The following RORA variants were observed in gnomAD, a reference collection of about 807,000 sequenced individuals.
RORA encodes RAR related orphan receptor A.
In RORA, 7 loss-of-function variants were observed where a neutral mutation model predicts 69.5. The ratio of observed to expected loss-of-function variants is 0.10; its 90% confidence interval spans 0.06 to 0.19. RORA has a LOEUF of 0.19. RORA is among the 10% of genes least tolerant of loss of function. The pLI is 1.00. For missense variants in RORA, 457 were observed against 663.0 expected, an observed-to-expected ratio of 0.69 and a Z score of 3.41; for synonymous variants, 261 against 240.8, an observed-to-expected ratio of 1.08 and a Z score of -0.78.
intron 1 of RORA, among the ~76,000 whole-genome samples, chr15:60,869,299 C>T (rs552028157): frequency 9.2e-5 from 14 of 152,154 alleles, no homozygotes; most frequent in African/African-American, 2.9e-4. Flanking sequence ...GCTGATTTCG[C>T]GATTTTATAA....
intron 5 of RORA, among the ~76,000 whole-genome samples, chr15:60,507,923 A>G (rs564353086): frequency 1.3e-5 from 2 of 152,220 alleles, no homozygotes; most frequent in South Asian, 4.2e-4. Context: ...ACTTATCCCT[A>G]CCTATTTAAA....
rs374620472 is a variant in RORA at position 60,811,935 on chromosome 15, T to G, written c.167-133249A>C. Among the ~76,000 whole-genome samples the G allele has an allele frequency of 1.8e-4, 27 of 152,348 alleles. No individual in the cohort carries two copies. The East Asian group carries it at 4.6e-3, about 26-fold the overall frequency. On this transcript the variant is annotated intron_variant, in intron 1 of 10. Transcript: ENST00000335670. ...TTATGCAAGTTGAATCATTTTCATATTCATTATTTTAACGGTGAAATGGCA... is the reference window on the plus strand; with the variant it reads ...TTATGCAAGTTGAATCATTTTCATAGTCATTATTTTAACGGTGAAATGGCA...
chr15:61,154,545 A>G (rs2079426028), intron 1 of RORA, among the ~76,000 whole-genome samples: 1 of 152,226 alleles, frequency 6.6e-6, no homozygotes, highest in South Asian at 2.1e-4. Flanking sequence ...TCACAGATCT[A>G]CGTGACCTGT....
intron 1 of RORA, among the ~76,000 whole-genome samples, chr15:60,884,832 C>A (rs905118317): frequency 6.6e-6 from 1 of 152,168 alleles, no homozygotes; most frequent in African/African-American, 2.4e-5. Flanking sequence ...AAACAGCCCC[C>A]AAAAGAGCAC....
At chr15:60,984,479 A>G (rs1349261126) in intron 1 of RORA, among the ~76,000 whole-genome samples, 1 of 151,682 alleles carries the variant, frequency 6.6e-6, no homozygotes, top group Non-Finnish European at 1.5e-5. Flanking sequence ...TTACCTACTT[A>G]CAAGTCTTAT....
intron 2 of RORA, among the ~76,000 whole-genome samples, chr15:60,675,726 G>A (rs1351570915): frequency 6.6e-6 from 1 of 152,114 alleles, no homozygotes; most frequent in African/African-American, 2.4e-5. Context: ...AACAATACCT[G>A]TGCTTTCCAG....
At chr15:60,735,388 A>C (rs2140842085) in intron 1 of RORA, among the ~76,000 whole-genome samples, 1 of 152,320 alleles carries the variant, frequency 6.6e-6, no homozygotes, top group East Asian at 1.9e-4. Context: ...GGAGAACAGC[A>C]AGTGTTATTA....
intron 1 of RORA, among the ~76,000 whole-genome samples, chr15:60,785,405 A>G (rs780504795): frequency 1.3e-5 from 2 of 152,236 alleles, no homozygotes; most frequent in Non-Finnish European, 2.9e-5. Context: ...TGAATAGGTA[A>G]ACAGAGAAGG....
At chr15:61,168,097 TTGTAA>T (rs1380577315) in intron 1 of RORA, among the ~76,000 whole-genome samples, 2 of 151,206 alleles carry the variant, frequency 1.3e-5, no homozygotes, top group African/African-American at 4.9e-5. Flanking sequence ...TGTAGAAAAC[TTGTAA>T]TGTATATATA....
At chr15:60,826,791 T>C (rs942138819) in intron 1 of RORA, among the ~76,000 whole-genome samples, 29 of 111,766 alleles carry the variant, frequency 2.6e-4, no homozygotes, top group African/African-American at 8.7e-4. Context: ...CTCTCTCTCT[T>C]TTTTTTTTAA....
intron 2 of RORA, among the ~76,000 whole-genome samples, chr15:60,647,466 C>T (rs1301885116): frequency 6.6e-6 from 1 of 152,200 alleles, no homozygotes; most frequent in Non-Finnish European, 1.5e-5. Context: ...TTGATCACTG[C>T]CAGAGCCTGC....
At chr15:60,698,132 T>C (rs897258234) in intron 1 of RORA, among the ~76,000 whole-genome samples, 1 of 152,240 alleles carries the variant, frequency 6.6e-6, no homozygotes, top group African/African-American at 2.4e-5. Flanking sequence ...GTGATTTTTA[T>C]ATATACTCCA....
chr15:60,781,124 C>T (rs1250579137), intron 1 of RORA, among the ~76,000 whole-genome samples: 4 of 152,220 alleles, frequency 2.6e-5, no homozygotes, highest in Non-Finnish European at 5.9e-5. Context: ...CCGCCTCCTT[C>T]TGCTTCTTAA....
intron 1 of RORA, among the ~76,000 whole-genome samples, chr15:60,870,445 G>A (rs1384359809): frequency 1.3e-5 from 2 of 152,180 alleles, no homozygotes; most frequent in Non-Finnish European, 2.9e-5. Flanking sequence ...CAGTTCATAT[G>A]TTGGTCCTTA....
intron 2 of RORA, among the ~76,000 whole-genome samples, chr15:60,665,183 A>G (rs981751782): frequency 6.6e-6 from 1 of 152,216 alleles, no homozygotes; most frequent in Non-Finnish European, 1.5e-5. Flanking sequence ...TACTTCAGAA[A>G]CTGTTAAACA....
chr15:61,018,938 C>G (rs1191949760), intron 1 of RORA, among the ~76,000 whole-genome samples: 1 of 152,176 alleles, frequency 6.6e-6, no homozygotes, highest in East Asian at 1.9e-4. Flanking sequence ...AAGACAAAAT[C>G]TAGACCTACG....
chr15:61,062,161 G>C (rs1259932130), intron 1 of RORA, among the ~76,000 whole-genome samples: 1 of 152,218 alleles, frequency 6.6e-6, no homozygotes, highest in African/African-American at 2.4e-5. Context: ...TCTTGGCTCT[G>C]AATGCCTGAC....
At chr15:60,923,056 A>G (rs141463105) in intron 1 of RORA, among the ~76,000 whole-genome samples, 70 of 152,364 alleles carry the variant, frequency 4.6e-4, no homozygotes, top group African/African-American at 1.4e-3. Flanking sequence ...AAAGTAAAGC[A>G]GACAGGACCC....
At chr15:60,765,959 C>T (rs1373058217) in intron 1 of RORA, among the ~76,000 whole-genome samples, 2 of 152,056 alleles carry the variant, frequency 1.3e-5, no homozygotes, top group African/African-American at 4.8e-5. Flanking sequence ...AACCGGGGAC[C>T]AATTTTCAGC....
Sources: allele counts gnomAD v4.1 joint callset (sites outside exome capture counted in the v4.1 genomes callset), GRCh38; gene constraint gnomAD v4.1.1; transcripts MANE v1.5; gene names NCBI Gene and HGNC (gene_info 2026-07-23, HGNC 2026-07-21).